The following WNK4 variants were observed in gnomAD, a reference collection of about 807,000 sequenced individuals.
WNK4 encodes the protein serine/threonine-protein kinase WNK4.
Under a neutral mutation model 116.2 loss-of-function variants are expected in WNK4, and 94 were observed. That is an observed-to-expected ratio of 0.81 (90% CI 0.68 to 0.96). The LOEUF (loss-of-function observed/expected upper bound fraction) is 0.96. Ranked by LOEUF, WNK4 falls within the 40% of genes least tolerant of loss-of-function variation. The pLI is 0.00. For missense variants in WNK4, 1,542 were observed against 1,650.6 expected (o/e 0.93, Z 1.14); for synonymous variants, 655 against 672.7 (o/e 0.97, Z 0.41).
chr17:42,788,135 T>C lies in WNK4; in HGVS notation c.1869T>C (p.Phe623=). The change falls in exon 9 of 19, where the codon TTT becomes TTC. Residue 623 remains phenylalanine (F), a synonymous_variant. Coordinates refer to ENST00000246914, the MANE Select transcript of WNK4 (RefSeq NM_032387.5). The stretch of plus-strand genomic sequence containing the variant: ...GAACCCTTATCCTGTTTCAGGCTTT[T>C]GCCCTATCCATTCCACGTTCTGGCC... ...AESHLCLPSA[F]ALSIPRSGPG... 1 of 1,614,238 alleles carries C rather than the reference T, an allele frequency of 6.2e-7. No homozygotes were observed. The highest frequency in any genetic ancestry group is 8.5e-7 in the Non-Finnish European group (1 of 1,180,036).
At chr17:42,790,694 A>G (rs2054599049) in intron 11 of WNK4, among the ~76,000 whole-genome samples, 1 of 152,148 alleles carries the variant, frequency 6.6e-6, no homozygotes, top group Non-Finnish European at 1.5e-5. Context: ...CTGAGTGAGG[A>G]GAGAGTTTCA....
chr17:42,786,612 C>T (rs934438969), intron 6 of WNK4, among the ~76,000 whole-genome samples: 18 of 152,180 alleles, frequency 1.2e-4, no homozygotes, highest in African/African-American at 4.3e-4. Flanking sequence ...AGGCTGGTCT[C>T]GAACTCCTGA....
In WNK4 at chr17:42,788,384, C is replaced by G; in HGVS notation, c.2017C>G (p.Arg673Gly). Residue 673 changes from arginine to glycine, a missense_variant, in exon 10 of 19, where the codon CGA (arginine) becomes GGA (glycine). By Grantham distance (125) the Arg-to-Gly change is moderately radical (BLOSUM62 -2). Transcript: ENST00000246914. ...AGGGAGGAATCTCCGGCGCAGACCC[C>G]GATCCCGGCTGCGGGTCACTAGTGT... ...PPGRNLRRRP[R>G]SRLRVTSVSD... The G allele has an allele frequency of 1.9e-6, 3 of 1,612,966 alleles. No homozygotes were observed. Among genetic ancestry groups the G allele is most frequent in the Non-Finnish European group, 2.5e-6 (3 of 1,180,004 alleles).
rs387907560 is a variant in WNK4, at chr17:42,796,227, C to T, written c.3536C>T (p.Ala1179Val). ...KQPPPGIVAP[A>V]AMLSSRQRRL... Reference sequence around the variant, plus strand: ...CCCCCACCGGGTATTGTGGCCCCAGCTGCTATGCTGTCCAGCCGCCAGCGC... The same window carrying T: ...CCCCCACCGGGTATTGTGGCCCCAGTTGCTATGCTGTCCAGCCGCCAGCGC... Residue 1179 changes from alanine (A) to valine (V), a missense_variant, in exon 17 of 19, where the codon GCT becomes GTT. Physicochemically the swap from Ala to Val is moderately conservative, Grantham distance 64. This residue lies in a region of WNK4 where 148 missense variants were observed against 157.2 expected (regional missense o/e 0.94). Coordinates refer to ENST00000246914, the MANE Select transcript of WNK4 (RefSeq NM_032387.5). 4 of 1,613,398 alleles carry T rather than the reference C, an allele frequency of 2.5e-6. No individual in the cohort carries two copies. The highest frequency in any genetic ancestry group is 2.5e-6 in the Non-Finnish European group (3 of 1,179,882).
At chr17:42,789,699 AATAAATAAATAG>A (rs1355932340) in intron 11 of WNK4, among the ~76,000 whole-genome samples, 1 of 146,668 alleles carries the variant, frequency 6.8e-6, no homozygotes, top group African/African-American at 2.5e-5. Flanking sequence ...TAAATAAATA[AATAAATAAATAG>A]AGAGGCAGAG....
At position 42,784,052 on chromosome 17, in the gene WNK4, C is replaced by A; in HGVS notation, c.907C>A (p.Leu303Ile). Residue 303 changes from leucine to isoleucine, a missense_variant, in exon 3 of 19, where the codon CTC becomes ATC. Around this residue, in one of 7 missense-constraint regions of WNK4, gnomAD observed 808 missense variants for 873.6 expected, o/e 0.92. Transcript: ENST00000246914. This position sits in a 1 kb window ranked among gnomAD's most constrained non-coding sequence, Gnocchi z 4.4. ...GGTTCCTCCCATCCTGCACCGGGATCTCAAGTGCGACAATGTCTTTATCAC... is the reference window on the plus strand; with the variant it reads ...GGTTCCTCCCATCCTGCACCGGGATATCAAGTGCGACAATGTCTTTATCAC... ...SRVPPILHRDLKCDNVFITGP... is the reference protein window; with the variant it reads ...SRVPPILHRDIKCDNVFITGP... 6.2e-7 allele frequency: 1 copy of A among 1,613,866 alleles called. No individual in the cohort carries two copies. Among genetic ancestry groups the A allele is most frequent in the Non-Finnish European group, 8.5e-7 (1 of 1,180,042 alleles).
chr17:42,784,585 A>C lies in WNK4; in HGVS notation c.1170+6A>C. 6.2e-7 allele frequency: 1 copy of C among 1,614,064 alleles called. No individual in the cohort carries two copies. Among genetic ancestry groups the C allele is most frequent in the Admixed American group, 1.7e-5 (1 of 60,014 alleles). On this transcript the variant is annotated splice_donor_region_variant and intron_variant, in intron 4 of 18. Transcript: ENST00000246914. This position sits in a 1 kb window ranked among gnomAD's most constrained non-coding sequence, Gnocchi z 4.4. ...TCTACCGCAAGGTCACTTCGGTGAG[A>C]GGGATGGGGCTGGCGGGAAAGGCAA...
At position 42,796,341 on chromosome 17, in the gene WNK4, A is replaced by G. The variant is rs749025652; in HGVS notation, c.3631+19A>G. On this transcript the variant is annotated intron_variant, in intron 17 of 18. Transcript: ENST00000246914. ...GGCCCTGGTGAGACTGCAGTCACCC[A>G]GCTTCCATCTTTTCCCTGAGACCCC... 1.2e-6 allele frequency: 2 copies of G among 1,610,370 alleles called. No homozygotes were observed. Among genetic ancestry groups the G allele is most frequent in the Non-Finnish European group, 8.5e-7 (1 of 1,178,364 alleles).
At position 42,782,189 on chromosome 17, in the gene WNK4, C is replaced by T. The variant is rs898375705; in HGVS notation, c.619-569C>T. Among the ~76,000 whole-genome samples the T allele has an allele frequency of 2.0e-5, 3 of 151,900 alleles. No homozygotes were observed. The highest frequency in any genetic ancestry group is 2.0e-4 in the Admixed American group (3 of 15,260). On this transcript the variant is annotated intron_variant, in intron 1 of 18. Coordinates refer to ENST00000246914, the MANE Select transcript of WNK4 (RefSeq NM_032387.5). The surrounding 1 kb of genome is among the most constrained non-coding windows in gnomAD (Gnocchi z 4.2). ...CTCTGGGCCAGGCCAGGAGAGGCAG[C>T]CAAATTGGGGGGTGAGGGGAGGGAG...
At chr17:42,790,957 C>G (rs2054601437) in intron 11 of WNK4, among the ~76,000 whole-genome samples, 1 of 152,176 alleles carries the variant, frequency 6.6e-6, no homozygotes, top group South Asian at 2.1e-4. Flanking sequence ...TTCCGTCAAA[C>G]CACTTGACTC....
At position 42,782,849 on chromosome 17, in the gene WNK4, A is replaced by G. The variant is rs1391857663; in HGVS notation, c.710A>G (p.Tyr237Cys). 7.4e-6 allele frequency: 12 copies of G among 1,614,166 alleles called. No individual in the cohort carries two copies. The highest frequency in any genetic ancestry group is 1.3e-5 in the African/African-American group (1 of 75,036). Residue 237 changes from tyrosine (Y) to cysteine (C), a missense_variant, in exon 2 of 19, where the codon TAT becomes TGT. Tyr to Cys is a radical substitution (Grantham distance 194, BLOSUM62 -2). Transcript: ENST00000246914. This position sits in a 1 kb window ranked among gnomAD's most constrained non-coding sequence, Gnocchi z 4.2. ...CAGCACCCCAACATCGTCCGCTTCT[A>G]TGATTCGTGGAAGTCGGTGCTGAGG... Reference protein sequence around the residue: ...GLQHPNIVRFYDSWKSVLRGQ... With the variant: ...GLQHPNIVRFCDSWKSVLRGQ...
Position 42,795,075 on chromosome 17 carries a change from C to A in WNK4, c.2654C>A (p.Pro885His), listed in dbSNP as rs1400341412. ...PLSQCPWSSLPTTSPPTFSPT... is the reference protein window; with the variant it reads ...PLSQCPWSSLHTTSPPTFSPT... ...TCTCAGTGTCCCTGGAGTTCTCTCC[C>A]CACGACTTCTCCACCTACGTTCTCT... The change falls in exon 14 of 19, where the codon CCC (proline) becomes CAC (histidine). Residue 885 changes from proline to histidine, a missense_variant. Physicochemically the swap from Pro to His is moderately conservative, Grantham distance 77. Transcript: ENST00000246914. 4.3e-6 allele frequency: 7 copies of A among 1,613,906 alleles called. No homozygotes were observed. Among genetic ancestry groups the A allele is most frequent in the Non-Finnish European group, 5.9e-6 (7 of 1,179,990 alleles).
rs1017691633 is a variant in WNK4 at position 42,788,583 on chromosome 17, G to A, written c.2041-98G>A. 3 of 1,201,252 alleles carry A rather than the reference G, an allele frequency of 2.5e-6. No homozygotes were observed. In the Admixed American group the frequency reaches 5.0e-5, roughly 20 times the overall value. 74.4% of individuals were successfully genotyped at this position (1,201,252 alleles called of 1,614,324 possible). ...AGAGGTGGGGTCTACTTATCTCCAA[G>A]TCCATTGTGGCTGCTGTCACTTGGC... On this transcript the variant is annotated intron_variant, in intron 10 of 18. Coordinates refer to ENST00000246914, the MANE Select transcript of WNK4 (RefSeq NM_032387.5).
In WNK4 at chr17:42,796,314, C is replaced by G. The variant is rs1367283849; in HGVS notation, c.3623C>G (p.Pro1208Arg). 1 of 1,612,122 alleles carries G rather than the reference C, an allele frequency of 6.2e-7. No individual in the cohort carries two copies. The highest frequency in any genetic ancestry group is 2.2e-5 in the East Asian group (1 of 44,810). Residue 1208 changes from proline (P) to arginine (R), a missense_variant, in exon 17 of 19, where the codon CCA (proline) becomes CGA (arginine). Physicochemically the swap from Pro to Arg is moderately radical, Grantham distance 103 (BLOSUM62 -2). Coordinates refer to ENST00000246914, the MANE Select transcript of WNK4 (RefSeq NM_032387.5). ...RRNSLQRSEP[P>R]GPGIMRRNSL... is the part of the protein sequence containing the mutation. ...AACAGCCTACAGCGCTCTGAGCCCCCAGGCCCTGGTGAGACTGCAGTCACC... is the reference window on the plus strand; with the variant it reads ...AACAGCCTACAGCGCTCTGAGCCCCGAGGCCCTGGTGAGACTGCAGTCACC...
Position 42,788,177 on chromosome 17 carries a change from C to T in WNK4, c.1911C>T (p.Ser637=). The stretch of plus-strand genomic sequence containing the variant: ...GTTCTGGCCCTGGAAGTGACTTTTC[C>T]CCCGGGGACAGGTATGTTCTGGTAC... ...IPRSGPGSDF[S]PGDSYASDAA... is the part of the protein sequence containing the mutation. The change falls in exon 9 of 19, where the codon TCC becomes TCT. Residue 637 remains serine (S), a synonymous_variant. Coordinates refer to ENST00000246914, the MANE Select transcript of WNK4 (RefSeq NM_032387.5). 4.3e-6 allele frequency: 7 copies of T among 1,614,184 alleles called. No individual in the cohort carries two copies. The highest frequency in any genetic ancestry group is 5.9e-6 in the Non-Finnish European group (7 of 1,180,048).
In WNK4 at chr17:42,780,788, C is replaced by T. The variant is rs1380866566; in HGVS notation, c.90C>T (p.Thr30=). Residue 30 remains threonine (T), a synonymous_variant, in exon 1 of 19, where the codon ACC becomes ACT. Transcript: ENST00000246914. ...TGCGGCCCCCGCCTCCTCTTGGCAC[C>T]GCGGGGCAGCCCCGCCTCGGGCCCC... ...LALRPPPPLG[T]AGQPRLGPPP... 6.2e-7 allele frequency: 1 copy of T among 1,604,510 alleles called. No individual in the cohort carries two copies. Among genetic ancestry groups the T allele is most frequent in the Admixed American group, 1.7e-5 (1 of 59,898 alleles).
Position 42,795,875 on chromosome 17 carries a change from G to A in WNK4, c.3273G>A (p.Gly1091=). The A allele has an allele frequency of 3.1e-6, 5 of 1,612,342 alleles. No individual in the cohort carries two copies. The highest frequency in any genetic ancestry group is 1.7e-6 in the Non-Finnish European group (2 of 1,178,952). The change falls in exon 16 of 19, where the codon GGG becomes GGA. Residue 1091 remains glycine, a synonymous_variant. Coordinates refer to ENST00000246914, the MANE Select transcript of WNK4 (RefSeq NM_032387.5). ...GAGTTGAGGAGGAAGGAGATGATGGGAAGGAACCCCAAGTTGGGGGCAGCC... is the reference window on the plus strand; with the variant it reads ...GAGTTGAGGAGGAAGGAGATGATGGAAAGGAACCCCAAGTTGGGGGCAGCC... ...GAGVEEEGDD[G]KEPQVGGSPQ...
intron 11 of WNK4, 72 bp downstream of exon 11, chr17:42,788,869 G>A: frequency 7.8e-7 from 1 of 1,277,122 alleles, no homozygotes; most frequent in Non-Finnish European, 1.1e-6. Flanking sequence ...GTCCGCTGGG[G>A]CTGAAACCCA....
intron 16 of WNK4, 23 bp from the exon 17 acceptor site, chr17:42,796,100 T>C: frequency 6.2e-7 from 1 of 1,614,054 alleles, no homozygotes. Flanking sequence ...GCTAGCCCTT[T>C]CATGCCCTCC....
Sources: allele counts gnomAD v4.1 joint callset (sites outside exome capture counted in the v4.1 genomes callset), GRCh38; gene constraint gnomAD v4.1.1; regional missense constraint gnomAD v4.1.1; non-coding constraint Gnocchi (gnomAD v3.1); transcripts MANE v1.5; gene names NCBI Gene and HGNC (gene_info 2026-07-23, HGNC 2026-07-21).